PEAK1: variants seen among roughly 807,000 people sequenced by gnomAD.
PEAK1 encodes the protein inactive tyrosine-protein kinase PEAK1.
Under a neutral mutation model 124.7 loss-of-function variants are expected in PEAK1, and 54 were observed. The ratio of observed to expected loss-of-function variants is 0.43; its 90% confidence interval spans 0.35 to 0.54. The LOEUF (loss-of-function observed/expected upper bound fraction) is 0.54, where lower values mean the gene tolerates loss of function less well. Ranked by LOEUF, PEAK1 falls within the 20% of genes least tolerant of loss-of-function variation. The pLI is 0.01. For missense variants in PEAK1, 2,046 were observed against 2,134.5 expected, an observed-to-expected ratio of 0.96 and a Z score of 0.82; for synonymous variants, 719 against 760.0, an observed-to-expected ratio of 0.95 and a Z score of 0.89.
intron 2 of PEAK1, among the ~76,000 whole-genome samples, chr15:77,315,702 G>A (rs1419015409): frequency 6.6e-6 from 1 of 151,622 alleles, no homozygotes; most frequent in Non-Finnish European, 1.5e-5. Flanking sequence ...AAACCCATGA[G>A]TCTAATCATG....
intron 9 of PEAK1, among the ~76,000 whole-genome samples, chr15:77,130,892 G>A (rs1367292864): frequency 6.6e-6 from 1 of 152,194 alleles, no homozygotes; most frequent in Non-Finnish European, 1.5e-5. Context: ...AGTTATTAGG[G>A]ACATTTTGTT....
chr15:77,151,114 T>C (rs1463747277), intron 8 of PEAK1, among the ~76,000 whole-genome samples: 3 of 152,246 alleles, frequency 2.0e-5, no homozygotes, highest in Non-Finnish European at 2.9e-5. Context: ...GTTGAACTAG[T>C]TTACAGTCCC....
chr15:77,114,439 C>A lies in PEAK1; in HGVS notation c.4958G>T (p.Arg1653Leu), dbSNP rs764667898. 1.2e-5 allele frequency: 20 copies of A among 1,614,052 alleles called. No homozygotes were observed. The highest frequency in any genetic ancestry group is 1.6e-5 in the Non-Finnish European group (19 of 1,180,006). Residue 1653 changes from arginine to leucine, a missense_variant, in exon 10 of 10, where the codon CGG becomes CTG. Transcript: ENST00000682557. ...SCLLNPNPSE[R>L]ILISDAKGIL... ...GCCTTTGGCGTCTGAAATGAGGATC[C>A]GCTCAGAAGGGTTGGGATTCAGGAG...
chr15:77,305,498 G>C (rs1279608808), intron 2 of PEAK1, among the ~76,000 whole-genome samples: 1 of 152,110 alleles, frequency 6.6e-6, no homozygotes, highest in Non-Finnish European at 1.5e-5. Context: ...GAGAACCAGA[G>C]CTCAGACTGA....
intron 5 of PEAK1, among the ~76,000 whole-genome samples, chr15:77,260,315 C>T (rs2061374721): frequency 6.6e-6 from 1 of 152,018 alleles, no homozygotes; most frequent in Admixed American, 6.6e-5. Flanking sequence ...AGATATAAAA[C>T]AAGATTAAGG....
chr15:77,195,441 C>A (rs1215485347), intron 6 of PEAK1, among the ~76,000 whole-genome samples: 1 of 151,664 alleles, frequency 6.6e-6, no homozygotes, highest in African/African-American at 2.4e-5. Context: ...AGAAATGAAC[C>A]CAAAATAAAT....
chr15:77,174,249 G>A (rs2056703237), intron 7 of PEAK1, among the ~76,000 whole-genome samples: 1 of 152,162 alleles, frequency 6.6e-6, no homozygotes, highest in Admixed American at 6.5e-5. Flanking sequence ...ATCTTTCAGA[G>A]CCTGGGGTCT....
intron 2 of PEAK1, among the ~76,000 whole-genome samples, chr15:77,290,869 A>T (rs2063176536): frequency 6.6e-6 from 1 of 152,226 alleles, no homozygotes; most frequent in Non-Finnish European, 1.5e-5. Flanking sequence ...AGTCAGAAGA[A>T]GATCAAGTCA....
intron 8 of PEAK1, among the ~76,000 whole-genome samples, chr15:77,134,769 A>G (rs568583979): frequency 6.6e-6 from 1 of 152,174 alleles, no homozygotes; most frequent in East Asian, 1.9e-4. Context: ...AGGCTCTGTT[A>G]TGGGTTGAAT....
intron 2 of PEAK1, among the ~76,000 whole-genome samples, chr15:77,306,908 A>C (rs1018137688): frequency 6.6e-6 from 1 of 152,158 alleles, no homozygotes; most frequent in East Asian, 1.9e-4. Context: ...AGAAACATAA[A>C]CATGTACATA....
intron 1 of PEAK1, among the ~76,000 whole-genome samples, chr15:77,385,607 T>C (rs989113164): frequency 2.6e-5 from 4 of 152,132 alleles, no homozygotes; most frequent in African/African-American, 9.7e-5. Context: ...TCGAGACCCC[T>C]ATAAGGAAGG....
chr15:77,238,765 CCTTGG>C (rs2060233313), intron 6 of PEAK1, among the ~76,000 whole-genome samples: 1 of 152,140 alleles, frequency 6.6e-6, no homozygotes, highest in South Asian at 2.1e-4. Context: ...GGGAGTACTC[CCTTGG>C]CTTTTAAATC....
intron 6 of PEAK1, among the ~76,000 whole-genome samples, chr15:77,244,122 T>TA (rs1042373660): frequency 9.2e-5 from 14 of 151,952 alleles, no homozygotes; most frequent in African/African-American, 3.4e-4. Context: ...TTGGTAGTCT[T>TA]AAAAAAAATA....
intron 1 of PEAK1, among the ~76,000 whole-genome samples, chr15:77,383,710 G>C (rs1218847826): frequency 6.6e-6 from 1 of 152,064 alleles, no homozygotes; most frequent in Non-Finnish European, 1.5e-5. Flanking sequence ...CAAATTAATG[G>C]TTCTAATAAA....
At chr15:77,403,072 T>C in intron 1 of PEAK1, 7 of 985,302 alleles carry the variant, frequency 7.1e-6, no homozygotes, top group South Asian at 4.7e-5. Flanking sequence ...ATGGAGTTTC[T>C]CTCATCATTA....
chr15:77,200,603 A>G (rs1040343664), intron 6 of PEAK1, among the ~76,000 whole-genome samples: 1 of 152,244 alleles, frequency 6.6e-6, no homozygotes, highest in African/African-American at 2.4e-5. Context: ...CAAACTGTGA[A>G]TATAGCATAG....
chr15:77,157,230 G>A (rs1311168445), intron 8 of PEAK1: 3 of 152,204 alleles, frequency 2.0e-5, no homozygotes, highest in Admixed American at 2.0e-4. Flanking sequence ...GAAAGGAGAT[G>A]AGAAATGAGG....
chr15:77,334,587 T>C, intron 2 of PEAK1: 1 of 985,354 alleles, frequency 1.0e-6, no homozygotes, highest in Non-Finnish European at 1.2e-6. Context: ...TTTCATATTG[T>C]CTCTAGCATA....
chr15:77,418,848 G>T, intron 1 of PEAK1: 1 of 985,342 alleles, frequency 1.0e-6, no homozygotes, highest in Non-Finnish European at 1.2e-6. Context: ...AGACGCTGTG[G>T]CTGAACAAAA....
Sources: allele counts gnomAD v4.1 joint callset (sites outside exome capture counted in the v4.1 genomes callset), GRCh38; gene constraint gnomAD v4.1.1; transcripts MANE v1.5; gene names NCBI Gene and HGNC (gene_info 2026-07-23, HGNC 2026-07-21).